Variants in RETSAT observed in about 807,000 individuals in gnomAD.
RETSAT encodes the protein retinol saturase, also known as all-trans-retinol 13,14-reductase.
In RETSAT, 35 loss-of-function variants were observed where a neutral mutation model predicts 61.6. The observed-to-expected ratio is 0.57, with a 90% CI of 0.43 to 0.75. RETSAT has a LOEUF of 0.75. Among genes scored for constraint, RETSAT ranks in the 30% least tolerant of loss-of-function variants. The pLI is 0.00. For missense variants in RETSAT, 670 were observed against 759.5 expected (o/e 0.88, Z 1.38); for synonymous variants, 277 against 310.4 (o/e 0.89, Z 1.13).
intron 10 of RETSAT, 43 bp from the exon 11 acceptor site, chr2:85,343,424 G>T (rs1477180828): frequency 6.3e-7 from 1 of 1,593,672 alleles, no homozygotes. Context: ...CACCCAGGCA[G>T]GCCCAGGGGA....
rs547528442 is a variant in RETSAT at position 85,344,076 on chromosome 2, A to G, written c.1456T>C (p.Tyr486His). ...ACAAAGGAGTTTTTGAAGGTCTCAT[A>G]GTCACTGCCCCGCTTTCCCTTCAGC... Reference protein sequence around the residue: ...AELKGKRGSDYETFKNSFVEA... With the variant: ...AELKGKRGSDHETFKNSFVEA... The change falls in exon 9 of 11, where the codon TAT (tyrosine) becomes CAT (histidine). Residue 486 changes from tyrosine (Y) to histidine (H), a missense_variant. Tyr to His is a moderately conservative substitution (Grantham distance 83). Transcript: ENST00000295802. 4 of 1,614,038 alleles carry G rather than the reference A, an allele frequency of 2.5e-6. No homozygotes were observed. Among genetic ancestry groups the G allele is most frequent in the East Asian group, 4.5e-5 (2 of 44,880 alleles).
intron 3 of RETSAT, 74 bp from the exon 4 acceptor site, chr2:85,350,315 G>A (rs1250870489): frequency 6.1e-6 from 7 of 1,140,920 alleles, no homozygotes; most frequent in Non-Finnish European, 9.2e-6. Flanking sequence ...CCATAGCCTG[G>A]ACCAGCCCAA....
At chr2:85,344,198 G>C (rs368156248) in intron 8 of RETSAT, 33 bp from the exon 9 acceptor site, 11 of 1,613,960 alleles carry the variant, frequency 6.8e-6, no homozygotes, top group Admixed American at 6.7e-5. Context: ...CTACTGCCCG[G>C]CCTCTCCCTC....
chr2:85,353,958 C>T (rs2104444375), intron 1 of RETSAT, among the ~76,000 whole-genome samples: 1 of 152,246 alleles, frequency 6.6e-6, no homozygotes, highest in South Asian at 2.1e-4. Flanking sequence ...GTGCTGCTCC[C>T]CCACACCCCT....
rs958042647 is a variant in RETSAT at position 85,342,060 on chromosome 2, G to A, written c.*1182C>T. Reference sequence around the variant, plus strand: ...CAAATGCCATCACAATAATAGTTTTGTTTTCTTGAACAAAAAACCAAAATA... The same window carrying A: ...CAAATGCCATCACAATAATAGTTTTATTTTCTTGAACAAAAAACCAAAATA... On this transcript the variant is annotated 3_prime_UTR_variant, in exon 11 of 11. Coordinates refer to ENST00000295802, the MANE Select transcript of RETSAT (RefSeq NM_017750.4). 4 of 401,880 alleles carry A rather than the reference G, an allele frequency of 1.0e-5. No individual in the cohort carries two copies. Among genetic ancestry groups the A allele is most frequent in the African/African-American group, 8.2e-5 (4 of 48,624 alleles). 24.9% of individuals were successfully genotyped at this position (401,880 alleles called of 1,614,324 possible).
chr2:85,350,283 C>T (rs368614853), intron 3 of RETSAT, 42 bp from the exon 4 acceptor site: 97 of 1,477,270 alleles, frequency 6.6e-5, no homozygotes, highest in South Asian at 2.3e-4. Context: ...CCTCTAGAAC[C>T]GCTTTGACAG....
rs15413 is a variant in RETSAT at position 85,342,256 on chromosome 2, C to T, written c.*986G>A. The T allele has an allele frequency of 0.056, 9,820 of 175,664 alleles. 421 individuals are homozygous for T. Among genetic ancestry groups the T allele is most frequent in the South Asian group, 0.18 (1,412 of 8,064 alleles). 10.9% of individuals were successfully genotyped at this position (175,664 alleles called of 1,614,324 possible). A position where few individuals can be genotyped will look rare whatever the true frequency, so the allele number is the denominator to read the frequency against. ...TCTAACCCTCACATGTGCTAATTAA[C>T]TGCAAATGCCATTTCTGGGCTTCAC... On this transcript the variant is annotated 3_prime_UTR_variant, in exon 11 of 11. Coordinates refer to ENST00000295802, the MANE Select transcript of RETSAT (RefSeq NM_017750.4).
chr2:85,343,144 T>C lies in RETSAT; in HGVS notation c.*98A>G. ...GGCATCAGAACCAAATTAGAGTGCT[T>C]TATACGTGCAAGGAACTAATGCAGA... On this transcript the variant is annotated 3_prime_UTR_variant, in exon 11 of 11. Coordinates refer to ENST00000295802, the MANE Select transcript of RETSAT (RefSeq NM_017750.4). The C allele has an allele frequency of 6.5e-7, 1 of 1,529,774 alleles. No individual in the cohort carries two copies. The highest frequency in any genetic ancestry group is 8.9e-7 in the Non-Finnish European group (1 of 1,123,080). The allele number at this position is 1,529,774 out of a possible 1,614,324, so 94.8% of individuals were successfully genotyped here.
In RETSAT at chr2:85,351,817, A is replaced by G. The variant is rs201423046; in HGVS notation, c.218T>C (p.Ile73Thr). 25 of 1,614,030 alleles carry G rather than the reference A, an allele frequency of 1.5e-5. No individual in the cohort carries two copies. The highest frequency in any genetic ancestry group is 2.0e-5 in the Non-Finnish European group (24 of 1,180,048). ...AGCCAGGCCCCCAAAGCCACTGCCA[A>G]TTACCACCACATCCAGCTTCTCCGG... ...QVPEKLDVVV[I>T]GSGFGGLAAA... Residue 73 changes from isoleucine to threonine, a missense_variant, in exon 2 of 11, where the codon ATT becomes ACT. Physicochemically the swap from Ile to Thr is moderately conservative, Grantham distance 89. Coordinates refer to ENST00000295802, the MANE Select transcript of RETSAT (RefSeq NM_017750.4).
At chr2:85,343,513 C>T in intron 10 of RETSAT, 126 bp downstream of exon 10, 9 of 1,523,594 alleles carry the variant, frequency 5.9e-6, no homozygotes, top group Non-Finnish European at 7.2e-6. Context: ...CACAGCCTGC[C>T]CAGGCAGCCC....
At chr2:85,351,143 T>A in intron 2 of RETSAT, 122 bp from the exon 3 acceptor site, 29 of 1,149,262 alleles carry the variant, frequency 2.5e-5, no homozygotes, top group Non-Finnish European at 3.6e-5. Context: ...CAGAGTGAGC[T>A]GCTCACTCTG....
chr2:85,347,391 G>GGATTTA (rs1408534568), intron 5 of RETSAT, among the ~76,000 whole-genome samples: 2 of 152,180 alleles, frequency 1.3e-5, no homozygotes, highest in East Asian at 3.9e-4. Context: ...ACCGTGCCTG[G>GGATTTA]CTAATTTTGG....
rs150709049 is a variant in RETSAT, at chr2:85,350,092, C to T, written c.747G>A (p.Leu249=). 1,062 of 1,613,978 alleles carry T rather than the reference C, an allele frequency of 6.6e-4. 9 individuals carry two copies. The African/African-American group carries it at 0.013, about 19-fold the overall frequency. ...TQSLAEVLQQ[L]GASSELQAVL... ...CTGCCTGGAGCTCAGAGGAGGCCCCCAGCTGCTGCAGGACCTCAGCCAGGC... is the reference window on the plus strand; with the variant it reads ...CTGCCTGGAGCTCAGAGGAGGCCCCTAGCTGCTGCAGGACCTCAGCCAGGC... The change falls in exon 4 of 11, where the codon CTG becomes CTA. Residue 249 remains leucine, a synonymous_variant. Transcript: ENST00000295802.
chr2:85,343,388 G>A lies in RETSAT; in HGVS notation c.1694-7C>T. 6.2e-7 allele frequency: 1 copy of A among 1,610,370 alleles called. No homozygotes were observed. Among genetic ancestry groups the A allele is most frequent in the Non-Finnish European group, 8.5e-7 (1 of 1,177,598 alleles). On this transcript the variant is annotated splice_polypyrimidine_tract_variant and splice_region_variant and intron_variant, in intron 10 of 10. Coordinates refer to ENST00000295802, the MANE Select transcript of RETSAT (RefSeq NM_017750.4). ...CAGGTGAAGATATCCTGGCCTAGGA[G>A]GCAAGAGCAGAGGCCCCTGAGCGTG...
At chr2:85,346,879 T>A (rs1243631604) in intron 5 of RETSAT, among the ~76,000 whole-genome samples, 1 of 152,224 alleles carries the variant, frequency 6.6e-6, no homozygotes. Flanking sequence ...CTTCTGTGTG[T>A]CCAGCTCCAT....
At position 85,354,457 on chromosome 2, in the gene RETSAT, G is replaced by A; in HGVS notation, c.51C>T (p.Leu17=). 6.2e-7 allele frequency: 1 copy of A among 1,614,120 alleles called. No individual in the cohort carries two copies. The highest frequency in any genetic ancestry group is 8.5e-7 in the Non-Finnish European group (1 of 1,179,998). The part of the protein sequence containing the change: ...LLLAVLLLAV[L]CKVYLGLFSG... ...AGAATAGTCCCAAGTAAACTTTGCA[G>A]AGGACGGCCAGCAGCAGCACAGCCA... Residue 17 remains leucine (L), a synonymous_variant, in exon 1 of 11, where the codon CTC becomes CTT. Coordinates refer to ENST00000295802, the MANE Select transcript of RETSAT (RefSeq NM_017750.4).
intron 1 of RETSAT, among the ~76,000 whole-genome samples, chr2:85,353,881 C>A (rs941241305): frequency 6.6e-6 from 1 of 152,210 alleles, no homozygotes; most frequent in Non-Finnish European, 1.5e-5. Flanking sequence ...TCAATCCTTA[C>A]GATTTGGGAC....
In RETSAT at chr2:85,354,420, G is replaced by A. The variant is rs1320677381; in HGVS notation, c.88C>T (p.Pro30Ser). ...TTGACATCTTCGGAGAAAGGATTCG[G>A]GGAGCTGCCAGAGAATAGTCCCAAG... ...VYLGLFSGSS[P>S]NPFSEDVKRP... The change falls in exon 1 of 11, where the codon CCG becomes TCG. Residue 30 changes from proline to serine, a missense_variant. Transcript: ENST00000295802. 4 of 1,614,206 alleles carry A rather than the reference G, an allele frequency of 2.5e-6. No homozygotes were observed. The highest frequency in any genetic ancestry group is 1.7e-5 in the Admixed American group (1 of 60,026).
At chr2:85,348,349 G>A (rs771700398) in intron 5 of RETSAT, among the ~76,000 whole-genome samples, 11 of 152,032 alleles carry the variant, frequency 7.2e-5, no homozygotes, top group Non-Finnish European at 1.6e-4. Context: ...GAAGATAGTC[G>A]GCTGGTCTCC....
Sources: allele counts gnomAD v4.1 joint callset (sites outside exome capture counted in the v4.1 genomes callset), GRCh38; gene constraint gnomAD v4.1.1; transcripts MANE v1.5; gene names NCBI Gene and HGNC (gene_info 2026-07-23, HGNC 2026-07-21).